HIVEP3: variants seen among roughly 807,000 people sequenced by gnomAD.
HIVEP3 encodes HIVEP zinc finger 3, also known as transcription factor HIVEP3.
A neutral mutation model predicts 152.8 loss-of-function variants in HIVEP3; 49 were observed. That is an observed-to-expected ratio of 0.32 (90% CI 0.26 to 0.41). The LOEUF (loss-of-function observed/expected upper bound fraction) is 0.41. Among genes scored for constraint, HIVEP3 ranks in the 10% least tolerant of loss-of-function variants. The pLI is 1.00. For synonymous variants in HIVEP3, 1,269 were observed against 1,289.0 expected (o/e 0.98, Z 0.33); for missense variants, 2,790 against 3,103.3 (o/e 0.90, Z 2.40).
chr1:41,689,423 T>C (rs375143039), intron 2 of HIVEP3, among the ~76,000 whole-genome samples: 1 of 152,236 alleles, frequency 6.6e-6, no homozygotes, highest in African/African-American at 2.4e-5. Flanking sequence ...CTGGTGAGTC[T>C]GTGCTTTCTG....
At chr1:41,868,579 G>C (rs969284311) in intron 1 of HIVEP3, among the ~76,000 whole-genome samples, 1 of 152,102 alleles carries the variant, frequency 6.6e-6, no homozygotes, top group Admixed American at 6.5e-5. Context: ...TATTCCAACT[G>C]AACTAGTCAA....
chr1:41,635,551 TATACATACATATACATAC>T (rs1558133970), intron 2 of HIVEP3, among the ~76,000 whole-genome samples: 52 of 143,896 alleles, frequency 3.6e-4, no homozygotes, highest in African/African-American at 1.0e-3. Flanking sequence ...TGTATGTATA[TATACATACATATACATAC>T]GTATGTATAT....
intron 1 of HIVEP3, among the ~76,000 whole-genome samples, chr1:41,983,319 T>A (rs1221522781): frequency 2.6e-5 from 4 of 152,092 alleles, no homozygotes; most frequent in Admixed American, 2.0e-4. Flanking sequence ...CCGATCCAAA[T>A]CAAGAAGATC....
Position 41,969,908 on chromosome 1 carries a change from A to G in HIVEP3, n.120-51384T>C, listed in dbSNP as rs560059724. Among the ~76,000 whole-genome samples, 106 of 152,332 alleles carry G rather than the reference A, an allele frequency of 7.0e-4. 1 individual carries two copies. Among genetic ancestry groups the G allele is most frequent in the Admixed American group, 2.2e-3 (33 of 15,290 alleles). Reference sequence around the variant, plus strand: ...AAGTGGGCAAAGGACATGAACAGACACTTCTCAAAAGAAGACATTTATGTG... The same window carrying G: ...AAGTGGGCAAAGGACATGAACAGACGCTTCTCAAAAGAAGACATTTATGTG... On this transcript the variant is annotated intron_variant and non_coding_transcript_variant, in intron 1 of 3. Coordinates refer to the HIVEP3 transcript ENST00000489103.
chr1:41,912,856 G>A (rs1326459680), intron 1 of HIVEP3, among the ~76,000 whole-genome samples: 1 of 152,236 alleles, frequency 6.6e-6, no homozygotes, highest in African/African-American at 2.4e-5. Context: ...GAATTGGGGG[G>A]AGTTTGAGGG....
At chr1:41,899,985 T>G (rs1463399000) in intron 1 of HIVEP3, among the ~76,000 whole-genome samples, 1 of 152,230 alleles carries the variant, frequency 6.6e-6, no homozygotes, top group Non-Finnish European at 1.5e-5. Flanking sequence ...AGGGTTCATG[T>G]TGAATTACAA....
Position 41,946,727 on chromosome 1 carries a change from C to A in HIVEP3, n.120-28203G>T, listed in dbSNP as rs1557534162. Among the ~76,000 whole-genome samples the A allele has an allele frequency of 2.0e-5, 3 of 152,114 alleles. No homozygotes were observed. The East Asian group carries it at 5.8e-4, about 30-fold the overall frequency. On this transcript the variant is annotated intron_variant and non_coding_transcript_variant, in intron 1 of 3. Coordinates refer to the HIVEP3 transcript ENST00000489103. The stretch of plus-strand genomic sequence containing the variant: ...GACAATATGGACAAGCAAAGAATGC[C>A]CGTCCTGTTCAAGTTAAACTAAAGG...
intron 1 of HIVEP3, among the ~76,000 whole-genome samples, chr1:41,720,229 C>T (rs1646655467): frequency 1.3e-5 from 2 of 152,198 alleles, no homozygotes; most frequent in African/African-American, 4.8e-5. Context: ...CTCAGGACAC[C>T]ACCTCTGAGT....
At chr1:41,644,660 C>A (rs1365983492) in intron 2 of HIVEP3, among the ~76,000 whole-genome samples, 1 of 150,998 alleles carries the variant, frequency 6.6e-6, no homozygotes, top group East Asian at 1.9e-4. Context: ...GCCCATATAA[C>A]CCAGGGATTT....
At chr1:41,898,387 C>A (rs1231332326) in intron 1 of HIVEP3, among the ~76,000 whole-genome samples, 2 of 152,196 alleles carry the variant, frequency 1.3e-5, no homozygotes. Flanking sequence ...CTGCTGACAA[C>A]ACCCTCACCA....
At chr1:41,896,285 T>G (rs1292863275) in intron 1 of HIVEP3, among the ~76,000 whole-genome samples, 2 of 152,248 alleles carry the variant, frequency 1.3e-5, no homozygotes, top group Admixed American at 1.3e-4. Flanking sequence ...GGATTCAAGT[T>G]GATGAGTGAA....
At chr1:41,625,578 A>T (rs1358129571) in intron 3 of HIVEP3, among the ~76,000 whole-genome samples, 1 of 152,152 alleles carries the variant, frequency 6.6e-6, no homozygotes, top group Non-Finnish European at 1.5e-5. Context: ...ATAAATGTCA[A>T]AAACTAGACA....
chr1:41,512,259 A>G (rs760112436), intron 8 of HIVEP3, among the ~76,000 whole-genome samples: 3 of 152,130 alleles, frequency 2.0e-5, no homozygotes, highest in Non-Finnish European at 4.4e-5. Flanking sequence ...CGGATCCCTC[A>G]GGGCCTGATA....
At chr1:41,577,515 G>A (rs1254171195) in intron 4 of HIVEP3, among the ~76,000 whole-genome samples, 2 of 152,130 alleles carry the variant, frequency 1.3e-5, no homozygotes, top group East Asian at 3.9e-4. Context: ...GGAGGAAAAA[G>A]GAAAGAATGT....
In HIVEP3 at chr1:42,012,940, A is replaced by C. The variant is rs116577428; in HGVS notation, n.119+22867T>G. ...ACCAAGACATTAGATGTGATGAAACACATTTCCAATCTGTTGTTCATGGCA... is the reference window on the plus strand; with the variant it reads ...ACCAAGACATTAGATGTGATGAAACCCATTTCCAATCTGTTGTTCATGGCA... On this transcript the variant is annotated intron_variant and non_coding_transcript_variant, in intron 1 of 3. Coordinates refer to the HIVEP3 transcript ENST00000489103. Among the ~76,000 whole-genome samples the C allele has an allele frequency of 4.5e-3, 679 of 152,300 alleles. 5 individuals are homozygous for C. Among genetic ancestry groups the C allele is most frequent in the African/African-American group, 0.016 (661 of 41,570 alleles).
intron 1 of HIVEP3, among the ~76,000 whole-genome samples, chr1:41,778,079 G>T (rs1017238235): frequency 1.2e-4 from 19 of 152,144 alleles, no homozygotes; most frequent in Admixed American, 7.2e-4. Context: ...CACAGCAAAG[G>T]CTCAAAGACA....
At chr1:41,514,694 A>G (rs1038440473) in intron 7 of HIVEP3, among the ~76,000 whole-genome samples, 1 of 152,186 alleles carries the variant, frequency 6.6e-6, no homozygotes, top group African/African-American at 2.4e-5. Flanking sequence ...CTGAATGCCC[A>G]CTTTTGTCCA....
In HIVEP3 at chr1:41,680,449, C is replaced by G. The variant is rs567209653; in HGVS notation, c.-721+20467G>C. ...CACTTACAGGTTCTTAGCCTCATCA[C>G]AGTGTCCAGCTAGGTGGGGATCAGC... On this transcript the variant is annotated intron_variant, in intron 2 of 8. Transcript: ENST00000372583. Among the ~76,000 whole-genome samples, 14 of 152,332 alleles carry G rather than the reference C, an allele frequency of 9.2e-5. 1 individual carries two copies. The South Asian group carries it at 2.9e-3, about 32-fold the overall frequency.
At chr1:41,945,673 T>G (rs146206967) in intron 1 of HIVEP3, among the ~76,000 whole-genome samples, 1 of 152,134 alleles carries the variant, frequency 6.6e-6, no homozygotes, top group East Asian at 1.9e-4. Flanking sequence ...AACATGGAGA[T>G]TGGTGCCGCA....
Sources: gnomAD v4.1 joint callset for allele counts (sites outside exome capture counted in the v4.1 genomes callset) on GRCh38, gnomAD v4.1.1 for gene constraint, MANE v1.5 for transcripts, NCBI Gene and HGNC (gene_info 2026-07-23, HGNC 2026-07-21) for gene names.